Variants in ARHGEF38 observed in about 807,000 individuals in gnomAD.
The protein encoded by ARHGEF38 is Rho guanine nucleotide exchange factor 38, also known as Rho guanine nucleotide exchange factor (GEF) 38.
Under a neutral mutation model 79.9 loss-of-function variants are expected in ARHGEF38, and 79 were observed. The observed-to-expected ratio is 0.99, with a 90% CI of 0.82 to 1.19. The LOEUF is 1.19. ARHGEF38 is among the 50% of genes most tolerant of loss of function. The probability of loss-of-function intolerance (pLI) is 0.00; values close to 1 mark genes in which losing one functional copy is unlikely to be tolerated. For synonymous variants in ARHGEF38, 366 were observed against 328.3 expected, an observed-to-expected ratio of 1.11 and a Z score of -1.24; for missense variants, 962 against 907.2, an observed-to-expected ratio of 1.06 and a Z score of -0.78.
chr4:105,591,129 C>T lies in ARHGEF38; in HGVS notation c.384+1694C>T, dbSNP rs189739615. ...TTCTGAGACATATTTTAATATTACC[C>T]ATGATTATAAAAGCATTGCTAGCCT... is the stretch of plus-strand genomic sequence containing the variant. On this transcript the variant is annotated intron_variant, in intron 2 of 13. Transcript: ENST00000420470. Among the ~76,000 whole-genome samples, 498 of 151,638 alleles carry T rather than the reference C, an allele frequency of 3.3e-3. 4 individuals are homozygous for T. Among genetic ancestry groups the T allele is most frequent in the African/African-American group, 0.012 (486 of 41,492 alleles).
intron 1 of ARHGEF38, among the ~76,000 whole-genome samples, chr4:105,571,089 C>G (rs1350992314): frequency 6.6e-6 from 1 of 152,022 alleles, no homozygotes. Flanking sequence ...ATTCTGGAGA[C>G]GTTTGGTGGT....
chr4:105,553,682 T>G (rs1725111632), intron 1 of ARHGEF38, among the ~76,000 whole-genome samples: 1 of 152,214 alleles, frequency 6.6e-6, no homozygotes, highest in Non-Finnish European at 1.5e-5. Context: ...TCCTGTCCTA[T>G]CTATCCTTTC....
intron 6 of ARHGEF38, among the ~76,000 whole-genome samples, chr4:105,648,253 A>G (rs937340013): frequency 2.6e-5 from 4 of 152,024 alleles, no homozygotes; most frequent in Non-Finnish European, 5.9e-5. Flanking sequence ...TAAATGTATT[A>G]TCTGAGACGA....
intron 3 of ARHGEF38, among the ~76,000 whole-genome samples, chr4:105,629,114 C>T (rs1167366444): frequency 6.6e-6 from 1 of 152,112 alleles, no homozygotes; most frequent in Non-Finnish European, 1.5e-5. Flanking sequence ...ACGACTAGTA[C>T]CCTAAAAGCT....
Position 105,679,083 on chromosome 4 carries a change from T to C in ARHGEF38, c.*1146T>C, listed in dbSNP as rs1315594922. The C allele has an allele frequency of 4.1e-6, 2 of 491,706 alleles. No homozygotes were observed. The highest frequency in any genetic ancestry group is 6.6e-6 in the Non-Finnish European group (2 of 304,680). 30.5% of individuals were successfully genotyped at this position (491,706 alleles called of 1,614,324 possible). ...AACTCCATTTGTGGCCCCCACTTCT[T>C]GATCTATTTCTGTTCCACTTCGTCT... is the stretch of plus-strand genomic sequence containing the variant. On this transcript the variant is annotated 3_prime_UTR_variant, in exon 14 of 14. Transcript: ENST00000420470.
chr4:105,655,842 C>A, intron 9 of ARHGEF38, 120 bp downstream of exon 9: 2 of 1,082,198 alleles, frequency 1.8e-6, no homozygotes, highest in South Asian at 2.0e-5. Flanking sequence ...ATATTAATGT[C>A]AAAATTAGTA....
At chr4:105,619,460 A>T (rs1224457582) in intron 3 of ARHGEF38, among the ~76,000 whole-genome samples, 1 of 152,118 alleles carries the variant, frequency 6.6e-6, no homozygotes, top group African/African-American at 2.4e-5. Flanking sequence ...ATTGTGAGCA[A>T]ACGAACAGTT....
At chr4:105,666,364 T>C in intron 11 of ARHGEF38, 44 bp downstream of exon 11, 1 of 1,468,122 alleles carries the variant, frequency 6.8e-7, no homozygotes, top group Non-Finnish European at 9.0e-7. Flanking sequence ...TTCACCTCTT[T>C]GCCTTATCCA....
chr4:105,603,582 C>T (rs912904899), intron 2 of ARHGEF38, among the ~76,000 whole-genome samples: 1 of 152,074 alleles, frequency 6.6e-6, no homozygotes, highest in Non-Finnish European at 1.5e-5. Context: ...TTGCATCTGT[C>T]CCAGTTGGTG....
At chr4:105,677,380 T>C (rs1452982144) in intron 13 of ARHGEF38, among the ~76,000 whole-genome samples, 1 of 152,210 alleles carries the variant, frequency 6.6e-6, no homozygotes, top group African/African-American at 2.4e-5. Context: ...GCCATTCTTA[T>C]GGGTAATCCA....
chr4:105,572,441 C>A (rs1488724497), intron 1 of ARHGEF38, among the ~76,000 whole-genome samples: 1 of 152,220 alleles, frequency 6.6e-6, no homozygotes, highest in African/African-American at 2.4e-5. Flanking sequence ...AGTTCCGTGG[C>A]ATTAAATACA....
intron 2 of ARHGEF38, among the ~76,000 whole-genome samples, chr4:105,599,823 G>A (rs996571288): frequency 1.3e-5 from 2 of 152,258 alleles, no homozygotes; most frequent in South Asian, 4.2e-4. Flanking sequence ...GATTACATGA[G>A]TTAATTAACT....
chr4:105,587,229 G>T (rs1727096596), intron 1 of ARHGEF38, among the ~76,000 whole-genome samples: 1 of 152,134 alleles, frequency 6.6e-6, no homozygotes, highest in African/African-American at 2.4e-5. Context: ...GATTGCTTGA[G>T]CCCAGGAGTT....
rs1731244505 is a variant in ARHGEF38 at position 105,679,695 on chromosome 4, T to C, written c.*1758T>C. The stretch of plus-strand genomic sequence containing the variant: ...CTAAATCCATTGTAGAAGGAACACC[T>C]ACACATTTAAAAGTAATTTGTGTTT... On this transcript the variant is annotated 3_prime_UTR_variant, in exon 14 of 14. Transcript: ENST00000420470. 6 of 794,756 alleles carry C rather than the reference T, an allele frequency of 7.5e-6. No individual in the cohort carries two copies. The South Asian group carries it at 8.1e-5, about 11-fold the overall frequency. 49.2% of individuals were successfully genotyped at this position (794,756 alleles called of 1,614,324 possible).
In ARHGEF38 at chr4:105,655,601, A is replaced by G. The variant is rs1258431224; in HGVS notation, c.1114-2A>G. 9.8e-6 allele frequency: 15 copies of G among 1,533,882 alleles called. No individual in the cohort carries two copies. The highest frequency in any genetic ancestry group is 1.3e-5 in the Non-Finnish European group (15 of 1,146,154). On this transcript the variant is annotated splice_acceptor_variant, in intron 8 of 13. Transcript: ENST00000420470. LOFTEE classifies it high-confidence loss of function. Reference sequence around the variant, plus strand: ...TTTTGTAACTTTGTTCTTGGGTTTCAGGATGCCATGCCCCTGGCTCTGCAG... The same window carrying G: ...TTTTGTAACTTTGTTCTTGGGTTTCGGGATGCCATGCCCCTGGCTCTGCAG...
At chr4:105,634,651 G>A (rs1442173746) in intron 4 of ARHGEF38, among the ~76,000 whole-genome samples, 1 of 152,018 alleles carries the variant, frequency 6.6e-6, no homozygotes, top group East Asian at 1.9e-4. Context: ...TACCACTAAA[G>A]TCCCTGCTGC....
chr4:105,603,573 T>G (rs72669981), intron 2 of ARHGEF38, among the ~76,000 whole-genome samples: 6,553 of 152,230 alleles, frequency 0.043, 199 homozygotes, highest in Middle Eastern at 0.12. Context: ...TAGATCCAAT[T>G]GCATCTGTCC....
chr4:105,579,827 T>A (rs1726693981), intron 1 of ARHGEF38, among the ~76,000 whole-genome samples: 1 of 152,166 alleles, frequency 6.6e-6, no homozygotes, highest in Non-Finnish European at 1.5e-5. Context: ...TATTCGTACA[T>A]GTGTTTGAAT....
intron 3 of ARHGEF38, among the ~76,000 whole-genome samples, chr4:105,624,140 T>C (rs1202004822): frequency 6.6e-6 from 1 of 152,184 alleles, no homozygotes; most frequent in Non-Finnish European, 1.5e-5. Context: ...CTAAAAATGC[T>C]ATTACTGCAT....
Sources: allele counts gnomAD v4.1 joint callset (sites outside exome capture counted in the v4.1 genomes callset), GRCh38; gene constraint gnomAD v4.1.1; transcripts MANE v1.5; gene names NCBI Gene and HGNC (gene_info 2026-07-23, HGNC 2026-07-21).